Variants in TNFSF11 observed in about 807,000 individuals in gnomAD.
TNFSF11 encodes tumor necrosis factor ligand superfamily member 11.
In TNFSF11, 12 loss-of-function variants were observed where a neutral mutation model predicts 32.2. The observed-to-expected ratio is 0.37, with a 90% CI of 0.24 to 0.60. TNFSF11 has a LOEUF of 0.60. Among genes scored for constraint, TNFSF11 ranks in the 20% least tolerant of loss-of-function variants. The pLI, the probability that TNFSF11 is intolerant of heterozygous loss-of-function variation, is 0.66. For synonymous variants in TNFSF11, 172 were observed against 152.1 expected, an observed-to-expected ratio of 1.13 and a Z score of -0.96; for missense variants, 345 against 398.0, an observed-to-expected ratio of 0.87 and a Z score of 1.13.
intron 4 of TNFSF11, among the ~76,000 whole-genome samples, chr13:42,604,518 T>C (rs1869346128): frequency 6.6e-6 from 1 of 152,204 alleles, no homozygotes; most frequent in Admixed American, 6.5e-5. Flanking sequence ...ATTGAATTCT[T>C]GGTCTTCTCA....
chr13:42,574,175 G>A lies in TNFSF11; in HGVS notation c.-129G>A, dbSNP rs958142050. 1 of 1,308,698 alleles carries A rather than the reference G, an allele frequency of 7.6e-7. No homozygotes were observed. Among genetic ancestry groups the A allele is most frequent in the African/African-American group, 1.5e-5 (1 of 67,252 alleles). 81.1% of individuals were successfully genotyped at this position (1,308,698 alleles called of 1,614,324 possible). On this transcript the variant is annotated 5_prime_UTR_variant, in exon 1 of 5. Transcript: ENST00000398795. The stretch of plus-strand genomic sequence containing the variant: ...CTGCCCGCTCGCCCGCGCGCCCCAG[G>A]ACCCAAAGCCGGGCTCCAAGTCGGC...
intron 1 of TNFSF11, among the ~76,000 whole-genome samples, chr13:42,580,679 A>T (rs1873558389): frequency 6.6e-6 from 1 of 152,198 alleles, no homozygotes; most frequent in Non-Finnish European, 1.5e-5. Flanking sequence ...CGCCTGTTTT[A>T]TATAGGTTTC....
intron 1 of TNFSF11, among the ~76,000 whole-genome samples, chr13:42,565,829 C>T (rs1872849734): frequency 6.6e-6 from 1 of 152,056 alleles, no homozygotes; most frequent in South Asian, 2.1e-4. Flanking sequence ...TGAGAGGAGA[C>T]TGCTGGAAGG....
upstream of TNFSF11, among the ~76,000 whole-genome samples, chr13:42,569,949 A>G (rs1158096863): frequency 6.6e-6 from 1 of 152,088 alleles, no homozygotes; most frequent in Non-Finnish European, 1.5e-5. Flanking sequence ...TTTAAATAAA[A>G]TAATTTTATA....
intron 1 of TNFSF11, among the ~76,000 whole-genome samples, chr13:42,578,624 C>T (rs529212436): frequency 6.6e-6 from 1 of 152,256 alleles, no homozygotes; most frequent in South Asian, 2.1e-4. Flanking sequence ...AGCTATAATG[C>T]TGCCTTCCAA....
chr13:42,563,834 T>G (rs1872772390), intron 1 of TNFSF11, among the ~76,000 whole-genome samples: 1 of 152,158 alleles, frequency 6.6e-6, no homozygotes, highest in Admixed American at 6.5e-5. Context: ...ATACCCACTT[T>G]GTGATTTTCT....
rs1435262441 is a variant in TNFSF11, at chr13:42,606,939, A to T, written c.*21A>T. ...ATTGAGCCCCAGTTTTTGGAGTGTT[A>T]TGTATTTCCTGGATGTTTGGAAACA... On this transcript the variant is annotated 3_prime_UTR_variant, in exon 5 of 5. Transcript: ENST00000398795. The T allele has an allele frequency of 2.5e-6, 4 of 1,613,890 alleles. No individual in the cohort carries two copies. In the African/African-American group the frequency reaches 5.3e-5, roughly 22 times the overall value.
In TNFSF11 at chr13:42,574,253, G is replaced by T; in HGVS notation, c.-51G>T. On this transcript the variant is annotated 5_prime_UTR_variant, in exon 1 of 5. Transcript: ENST00000398795. Reference sequence around the variant, plus strand: ...TCCGGAGTTGGCCGCAGACAAGAAGGGGAGGGAGCGGGAGAGGGAGGAGAG... The same window carrying T: ...TCCGGAGTTGGCCGCAGACAAGAAGTGGAGGGAGCGGGAGAGGGAGGAGAG... 1 of 1,539,698 alleles carries T rather than the reference G, an allele frequency of 6.5e-7. No homozygotes were observed. Among genetic ancestry groups the T allele is most frequent in the Middle Eastern group, 2.3e-4 (1 of 4,338 alleles).
chr13:42,575,920 A>C (rs764527963), intron 1 of TNFSF11, among the ~76,000 whole-genome samples: 5 of 152,068 alleles, frequency 3.3e-5, no homozygotes, highest in Non-Finnish European at 7.4e-5. Context: ...TTTGTTAATA[A>C]CCCCCATTTA....
Position 42,581,218 on chromosome 13 carries a change from G to A in TNFSF11, c.312G>A (p.Leu104=), listed in dbSNP as rs764783664. 1 of 1,614,008 alleles carries A rather than the reference G, an allele frequency of 6.2e-7. No homozygotes were observed. The highest frequency in any genetic ancestry group is 8.5e-7 in the Non-Finnish European group (1 of 1,179,944). The change falls in exon 2 of 5, where the codon CTG becomes CTA. Residue 104 remains leucine (L), a synonymous_variant. Transcript: ENST00000398795. ...HENADFQDTT[L]ESQDTKLIPD... is the part of the protein sequence containing the mutation. ...ATGCAGATTTTCAAGACACAACTCT[G>A]GAGAGTCAAGATACAAAATTAATAC... is the stretch of plus-strand genomic sequence containing the variant.
intron 2 of TNFSF11, among the ~76,000 whole-genome samples, chr13:42,593,959 A>G (rs536477613): frequency 3.9e-5 from 6 of 152,320 alleles, no homozygotes; most frequent in African/African-American, 1.4e-4. Context: ...AATTCACATC[A>G]CAATGCACAG....
rs200754328 is a variant in TNFSF11 at position 42,607,076 on chromosome 13, C to T, written c.*158C>T. The T allele has an allele frequency of 1.0e-4, 89 of 858,268 alleles. No homozygotes were observed. In the East Asian group the frequency reaches 1.6e-3, roughly 16 times the overall value. 53.2% of individuals were successfully genotyped at this position (858,268 alleles called of 1,614,324 possible). A position where few individuals can be genotyped will look rare whatever the true frequency, so the allele number is the denominator to read the frequency against. ...TGCTCTTGACCTTGTAGAGAACACG[C>T]GTATTTACAGCCAGTGGGAGATGTT... On this transcript the variant is annotated 3_prime_UTR_variant, in exon 5 of 5. Transcript: ENST00000398795.
At position 42,574,237 on chromosome 13, in the gene TNFSF11, G is replaced by A; in HGVS notation, c.-67G>A. 6.5e-7 allele frequency: 1 copy of A among 1,530,892 alleles called. No homozygotes were observed. Among genetic ancestry groups the A allele is most frequent in the South Asian group, 1.2e-5 (1 of 83,274 alleles). The allele number at this position is 1,530,892 out of a possible 1,614,324, so 94.8% of individuals were successfully genotyped here. On this transcript the variant is annotated 5_prime_UTR_variant, in exon 1 of 5. Transcript: ENST00000398795. ...AGGCTCCGCCGCAGCCTCCGGAGTT[G>A]GCCGCAGACAAGAAGGGGAGGGAGC...
chr13:42,572,358 C>T (rs1008067202), upstream of TNFSF11, among the ~76,000 whole-genome samples: 7 of 152,120 alleles, frequency 4.6e-5, no homozygotes, highest in Non-Finnish European at 8.8e-5. Context: ...ATGGAAGACA[C>T]TATAGTAAAA....
rs775093601 is a variant in TNFSF11, at chr13:42,574,407, C to G, written c.104C>G (p.Pro35Arg). ...PHEGPLHAPP[P>R]PAPHQPPAAS... ...GAGGGCCCCCTGCACGCCCCGCCGC[C>G]GCCTGCGCCGCACCAGCCCCCTGCC... The change falls in exon 1 of 5, where the codon CCG (proline) becomes CGG (arginine). Residue 35 changes from proline to arginine, a missense_variant. Pro to Arg is a moderately radical substitution (Grantham distance 103). Around this residue, in one of 2 missense-constraint regions of TNFSF11, gnomAD observed 197 missense variants for 182.0 expected, o/e 1.08. Transcript: ENST00000398795. 1 of 1,565,476 alleles carries G rather than the reference C, an allele frequency of 6.4e-7. No homozygotes were observed. The highest frequency in any genetic ancestry group is 8.6e-7 in the Non-Finnish European group (1 of 1,157,626).
intron 4 of TNFSF11, among the ~76,000 whole-genome samples, chr13:42,604,817 T>C (rs1869363359): frequency 6.6e-6 from 1 of 152,150 alleles, no homozygotes; most frequent in Non-Finnish European, 1.5e-5. Context: ...AGAGTCTTGC[T>C]CTGTCTCCCA....
chr13:42,590,559 A>G (rs8002196), intron 2 of TNFSF11, among the ~76,000 whole-genome samples: 6,600 of 152,276 alleles, frequency 0.043, 470 homozygotes, highest in African/African-American at 0.15. Flanking sequence ...GGATTTGTCA[A>G]TGTAGAAAGC....
At chr13:42,599,349 C>CTATCTATCTATCATCT (rs11385072) in intron 2 of TNFSF11, among the ~76,000 whole-genome samples, 4 of 112,246 alleles carry the variant, frequency 3.6e-5, no homozygotes, top group South Asian at 3.6e-4. Context: ...ATCTATCTAT[C>CTATCTATCTATCATCT]ATCTATCTAT....
intron 2 of TNFSF11, among the ~76,000 whole-genome samples, chr13:42,589,100 T>C (rs759303601): frequency 6.6e-6 from 1 of 152,140 alleles, no homozygotes; most frequent in Non-Finnish European, 1.5e-5. Flanking sequence ...CTAAGGCTCA[T>C]ATTCATCAAA....
Sources: gnomAD v4.1 joint callset for allele counts (sites outside exome capture counted in the v4.1 genomes callset) on GRCh38, gnomAD v4.1.1 for gene constraint, gnomAD v4.1.1 regional missense constraint, MANE v1.5 for transcripts, NCBI Gene and HGNC (gene_info 2026-07-23, HGNC 2026-07-21) for gene names.